The following EDIL3 variants were observed in gnomAD, a reference collection of about 807,000 sequenced individuals.
The protein encoded by EDIL3 is EGF like and discoidin domains 3.
Under a neutral mutation model 67.4 loss-of-function variants are expected in EDIL3, and 37 were observed. That is an observed-to-expected ratio of 0.55 (90% CI 0.42 to 0.72). EDIL3 has a LOEUF of 0.72. Among genes scored for constraint, EDIL3 ranks in the 30% least tolerant of loss-of-function variants. The pLI is 0.00. For missense variants in EDIL3, 527 were observed against 586.3 expected, an observed-to-expected ratio of 0.90 and a Z score of 1.04; for synonymous variants, 195 against 196.3, an observed-to-expected ratio of 0.99 and a Z score of 0.05.
chr5:84,328,381 G>C (rs1467577956), intron 1 of EDIL3, among the ~76,000 whole-genome samples: 1 of 151,976 alleles, frequency 6.6e-6, no homozygotes, highest in African/African-American at 2.4e-5. Flanking sequence ...TTGAATCTCT[G>C]TGTTGCAACA....
In EDIL3 at chr5:84,026,386, ATAT is replaced by A. The variant is rs142224416; in HGVS notation, c.1137+33911_1137+33913del. 6.5e-3 allele frequency among the ~76,000 whole-genome samples: 995 copies of A among 152,302 alleles called. 16 individuals carry two copies. Among genetic ancestry groups the A allele is most frequent in the African/African-American group, 0.023 (959 of 41,580 alleles). On this transcript the variant is annotated intron_variant, in intron 9 of 10. Transcript: ENST00000296591. ...ATTTAATCAATTTCCTTTTCAGAGA[ATAT>A]TTGTTTCCATCTTTCTTTTTTATCT...
chr5:84,309,386 C>A (rs1487964881), intron 1 of EDIL3, among the ~76,000 whole-genome samples: 7 of 145,678 alleles, frequency 4.8e-5, no homozygotes, highest in African/African-American at 1.8e-4. Context: ...TACATGTGCA[C>A]AATATGCCAG....
In EDIL3 at chr5:83,943,375, CT is replaced by C. The variant is rs764887294; in HGVS notation, c.*43del. 3 of 1,602,736 alleles carry C rather than the reference CT, an allele frequency of 1.9e-6. No individual in the cohort carries two copies. In the African/African-American group the frequency reaches 4.0e-5, roughly 22 times the overall value. ...TTGCACAGTTCATTCCATGGAGATA[CT>C]TTTAGGGAAATAGGGAAGAGGGTTG... On this transcript the variant is annotated 3_prime_UTR_variant, in exon 11 of 11. Transcript: ENST00000296591.
At chr5:84,317,721 A>T (rs931621344) in intron 1 of EDIL3, among the ~76,000 whole-genome samples, 1 of 152,218 alleles carries the variant, frequency 6.6e-6, no homozygotes, top group Non-Finnish European at 1.5e-5. Context: ...GAATGGGCAA[A>T]AACTGGAAGC....
chr5:84,215,449 T>C (rs571606890), intron 3 of EDIL3, among the ~76,000 whole-genome samples: 8 of 152,102 alleles, frequency 5.3e-5, no homozygotes, highest in Non-Finnish European at 1.0e-4. Context: ...AGATGGGGCT[T>C]CACTGTGTTA....
At chr5:84,356,077 C>T (rs1275284070) in intron 1 of EDIL3, among the ~76,000 whole-genome samples, 1 of 152,106 alleles carries the variant, frequency 6.6e-6, no homozygotes, top group Admixed American at 6.5e-5. Flanking sequence ...TGGTATTTTA[C>T]TACTATGAAA....
chr5:84,344,782 T>C (rs902735683), intron 1 of EDIL3, among the ~76,000 whole-genome samples: 8 of 152,118 alleles, frequency 5.3e-5, no homozygotes, highest in Non-Finnish European at 1.0e-4. Flanking sequence ...CTACTAGAAA[T>C]TTTAAAACTA....
intron 1 of EDIL3, among the ~76,000 whole-genome samples, chr5:84,336,887 G>A (rs1747001143): frequency 6.6e-6 from 1 of 151,728 alleles, no homozygotes; most frequent in African/African-American, 2.4e-5. Context: ...TTTTAAAAAA[G>A]GAAAAAGCTT....
intron 1 of EDIL3, among the ~76,000 whole-genome samples, chr5:84,312,344 C>T (rs1196332747): frequency 5.5e-5 from 8 of 145,008 alleles, no homozygotes; most frequent in Non-Finnish European, 1.1e-4. Flanking sequence ...CTGACCCCCC[C>T]ACCTCCCTCC....
intron 9 of EDIL3, among the ~76,000 whole-genome samples, chr5:83,976,271 G>A (rs1019449): frequency 0.064 from 9,649 of 151,862 alleles, 351 homozygotes; most frequent in South Asian, 0.13. Context: ...CTTCAGGAAC[G>A]AGAAATATCC....
At chr5:84,270,135 T>C (rs940339367) in intron 1 of EDIL3, among the ~76,000 whole-genome samples, 38 of 152,214 alleles carry the variant, frequency 2.5e-4, no homozygotes, top group African/African-American at 8.4e-4. Context: ...TTTTGTAATG[T>C]TTTCTACAAT....
At chr5:84,157,059 G>A (rs187702854) in intron 4 of EDIL3, among the ~76,000 whole-genome samples, 21 of 151,836 alleles carry the variant, frequency 1.4e-4, no homozygotes, top group Admixed American at 1.1e-3. Flanking sequence ...TCTTTCAAAA[G>A]GTCTTAGAAA....
chr5:83,997,997 G>A (rs1434671839), intron 9 of EDIL3, among the ~76,000 whole-genome samples: 1 of 152,146 alleles, frequency 6.6e-6, no homozygotes, highest in African/African-American at 2.4e-5. Flanking sequence ...GTTCCTGTTA[G>A]ACCCAACACT....
rs1370058764 is a variant in EDIL3 at position 84,305,926 on chromosome 5, G to GATAA, written c.68-51718_68-51715dup. Among the ~76,000 whole-genome samples, 883 of 150,628 alleles carry GATAA rather than the reference G, an allele frequency of 5.9e-3. 4 individuals are homozygous for GATAA. The highest frequency in any genetic ancestry group is 0.02 in the African/African-American group (822 of 40,640). ...AAATAAATAAATAAATAAATAGATA[G>GATAA]ATAAATAAATAAAATACACTGTGTG... On this transcript the variant is annotated intron_variant, in intron 1 of 10. Coordinates refer to ENST00000296591, the MANE Select transcript of EDIL3 (RefSeq NM_005711.5).
intron 9 of EDIL3, among the ~76,000 whole-genome samples, chr5:83,991,242 G>A (rs1193917900): frequency 6.6e-6 from 1 of 152,010 alleles, no homozygotes; most frequent in Non-Finnish European, 1.5e-5. Flanking sequence ...TTCCTTACCT[G>A]GTTGAACTGC....
At chr5:84,006,028 A>T (rs1745408944) in intron 9 of EDIL3, among the ~76,000 whole-genome samples, 1 of 151,550 alleles carries the variant, frequency 6.6e-6, no homozygotes, top group Non-Finnish European at 1.5e-5. Context: ...CACACCAGTA[A>T]TGTCCAAGCT....
chr5:84,043,534 A>G (rs1196865035), intron 9 of EDIL3, among the ~76,000 whole-genome samples: 2 of 152,250 alleles, frequency 1.3e-5, no homozygotes, highest in Admixed American at 6.5e-5. Flanking sequence ...TGTTGATGCA[A>G]AAAAAGGCTG....
chr5:84,103,992 G>C lies in EDIL3; in HGVS notation c.651+2657C>G, dbSNP rs76810514. ...GAAATGCCAATCAATTGTAGACTGG[G>C]TAAAGAAAATCTGATACATAGACAC... is the stretch of plus-strand genomic sequence containing the variant. On this transcript the variant is annotated intron_variant, in intron 6 of 10. Coordinates refer to ENST00000296591, the MANE Select transcript of EDIL3 (RefSeq NM_005711.5). Among the ~76,000 whole-genome samples, 1,278 of 152,088 alleles carry C rather than the reference G, an allele frequency of 8.4e-3. 16 individuals are homozygous for C. The highest frequency in any genetic ancestry group is 0.03 in the African/African-American group (1,229 of 41,518).
intron 9 of EDIL3, among the ~76,000 whole-genome samples, chr5:83,963,608 A>G (rs1322031829): frequency 1.3e-5 from 2 of 150,752 alleles, no homozygotes; most frequent in African/African-American, 4.9e-5. Flanking sequence ...TGGTGATTTC[A>G]GTCCACCAAT....
Sources: allele counts gnomAD v4.1 joint callset (sites outside exome capture counted in the v4.1 genomes callset), GRCh38; gene constraint gnomAD v4.1.1; transcripts MANE v1.5; gene names NCBI Gene and HGNC (gene_info 2026-07-23, HGNC 2026-07-21).